Variants in CCDC144A observed in about 807,000 individuals in gnomAD.
CCDC144A encodes coiled-coil domain-containing protein 144A.
In CCDC144A, 41 loss-of-function variants were observed where a neutral mutation model predicts 143.8. The observed-to-expected ratio is 0.29, with a 90% CI of 0.22 to 0.37. The LOEUF (loss-of-function observed/expected upper bound fraction) is 0.37. CCDC144A is among the 10% of genes least tolerant of loss of function. The probability of loss-of-function intolerance (pLI) is 1.00; values close to 1 mark genes in which losing one functional copy is unlikely to be tolerated. For missense variants in CCDC144A, 637 were observed against 1,488.8 expected (o/e 0.43, Z 9.41); for synonymous variants, 242 against 517.9 (o/e 0.47, Z 7.23).
chr17:16,739,539 A>C (rs2143268959), intron 12 of CCDC144A, among the ~76,000 whole-genome samples: 1 of 150,406 alleles, frequency 6.6e-6, no homozygotes, highest in Non-Finnish European at 1.5e-5. Flanking sequence ...GGAATTTTAT[A>C]GTTTTAGTTC....
chr17:16,776,104 G>A lies in CCDC144A; in HGVS notation c.*2471G>A, dbSNP rs62075078. 27,002 of 149,598 alleles carry A rather than the reference G, an allele frequency of 0.18. 2,180 individuals carry two copies. The highest frequency in any genetic ancestry group is 0.37 in the African/African-American group (15,281 of 41,098). The allele number at this position is 149,598 out of a possible 1,614,324, so 9.3% of individuals were successfully genotyped here. On this transcript the variant is annotated 3_prime_UTR_variant, in exon 17 of 17. Coordinates refer to ENST00000399273, the MANE Select transcript of CCDC144A (RefSeq NM_001382000.1). ...CCAGCACTATGCTGTTTTGGTTACT[G>A]TAGTCTTGTAGTATGTTTGAAGCTG... is the stretch of plus-strand genomic sequence containing the variant.
At chr17:16,709,858 C>T (rs1422739001) in intron 5 of CCDC144A, among the ~76,000 whole-genome samples, 6 of 152,136 alleles carry the variant, frequency 3.9e-5, no homozygotes, top group Admixed American at 6.5e-5. Context: ...TTCCAAGTGG[C>T]GTATGGATTG....
At chr17:16,751,990 C>T (rs1914817118) in intron 12 of CCDC144A, among the ~76,000 whole-genome samples, 1 of 152,226 alleles carries the variant, frequency 6.6e-6, no homozygotes, top group East Asian at 1.9e-4. Flanking sequence ...GGCAGTGGTG[C>T]TCCCTCAGGC....
At chr17:16,679,082 A>G in the CCDC144A span, among the ~76,000 whole-genome samples, 22 of 128,688 alleles carry the variant, frequency 1.7e-4, no homozygotes, top group African/African-American at 7.5e-4. Context: ...GTTTTTGTAG[A>G]GATGGCGGGG....
chr17:16,689,258 C>T (rs1470683377), upstream of CCDC144A, among the ~76,000 whole-genome samples: 1 of 151,862 alleles, frequency 6.6e-6, no homozygotes, highest in East Asian at 1.9e-4. Context: ...TTTGGTGGCA[C>T]GATATCAGCT....
At chr17:16,693,679 A>G (rs1911233446) in intron 2 of CCDC144A, among the ~76,000 whole-genome samples, 1 of 152,216 alleles carries the variant, frequency 6.6e-6, no homozygotes, top group Non-Finnish European at 1.5e-5. Flanking sequence ...ATAATGAATT[A>G]GACTTGTTAT....
intron 2 of CCDC144A, among the ~76,000 whole-genome samples, chr17:16,693,253 GA>G (rs1217418490): frequency 2.7e-5 from 4 of 150,632 alleles, no homozygotes; most frequent in South Asian, 4.2e-4. Context: ...AATCTGGTCT[GA>G]AAAAAAATTA....
chr17:16,688,332 C>T (rs1774204061), upstream of CCDC144A, among the ~76,000 whole-genome samples: 2 of 151,940 alleles, frequency 1.3e-5, no homozygotes, highest in African/African-American at 4.8e-5. Flanking sequence ...CCCTTCAAGG[C>T]CTACCCAGGA....
intron 12 of CCDC144A, among the ~76,000 whole-genome samples, chr17:16,753,441 T>TGTTGTTG (rs1567606577): frequency 1.6e-5 from 2 of 126,222 alleles, no homozygotes; most frequent in African/African-American, 6.9e-5. Flanking sequence ...TTTTTTTTTT[T>TGTTGTTG]TTTTTTTTTT....
In CCDC144A at chr17:16,777,262, T is replaced by C. The variant is rs1916031256; in HGVS notation, c.*3629T>C. ...GAGGTAGTTGGCAACACAATAATAG[T>C]GGGGGATGTTAATACTCCGCTGGCA... On this transcript the variant is annotated 3_prime_UTR_variant, in exon 17 of 17. Transcript: ENST00000399273. 1.4e-5 allele frequency: 2 copies of C among 146,830 alleles called. No individual in the cohort carries two copies. Among genetic ancestry groups the C allele is most frequent in the Admixed American group, 1.4e-4 (2 of 14,714 alleles). 9.1% of individuals were successfully genotyped at this position (146,830 alleles called of 1,614,324 possible). A position where few individuals can be genotyped will look rare whatever the true frequency, so the allele number is the denominator to read the frequency against.
chr17:16,685,857 C>T (rs530758093), upstream of CCDC144A, among the ~76,000 whole-genome samples: 7 of 151,916 alleles, frequency 4.6e-5, no homozygotes, highest in South Asian at 2.1e-4. Flanking sequence ...CTGCAACCTC[C>T]GCCTCCTTTG....
rs1403112798 is a variant in CCDC144A at position 16,709,331 on chromosome 17, C to A, written c.1274C>A (p.Ala425Glu). The A allele has an allele frequency of 1.2e-6, 2 of 1,611,414 alleles. No individual in the cohort carries two copies. The highest frequency in any genetic ancestry group is 3.3e-5 in the Admixed American group (2 of 59,986). The change falls in exon 5 of 17, where the codon GCA becomes GAA. Residue 425 changes from alanine (A) to glutamate (E), a missense_variant. Physicochemically the swap from Ala to Glu is moderately radical, Grantham distance 107. Coordinates refer to ENST00000399273, the MANE Select transcript of CCDC144A (RefSeq NM_001382000.1). ...ACAGATAAGAACTTTCATAATGATG[C>A]AAGCACTAAGAAAGCAAGGAACCCA... The part of the protein sequence containing the change: ...FSTDKNFHND[A>E]STKKARNPEV...
intron 12 of CCDC144A, among the ~76,000 whole-genome samples, chr17:16,753,427 A>AGTTTTTTGTTGTTGTTGTTGTT (rs1170726022): frequency 2.1e-4 from 9 of 43,486 alleles, no homozygotes; most frequent in South Asian, 8.0e-4. Flanking sequence ...AGTGTTTTGT[A>AGTTTTTTGTTGTTGTTGTTGTT]GTTTTTTTTT....
At chr17:16,754,730 C>G (rs147268962) in intron 12 of CCDC144A, among the ~76,000 whole-genome samples, 1 of 152,370 alleles carries the variant, frequency 6.6e-6, no homozygotes, top group East Asian at 1.9e-4. Flanking sequence ...CTGTAAGTGT[C>G]TGCTAGGTCC....
intron 12 of CCDC144A, among the ~76,000 whole-genome samples, chr17:16,745,272 T>A (rs1458196769): frequency 3.3e-5 from 5 of 150,122 alleles, no homozygotes; most frequent in African/African-American, 7.4e-5. Context: ...AAACCCAAAG[T>A]GGATGTCGTT....
chr17:16,694,866 G>A (rs1349835987), intron 2 of CCDC144A, among the ~76,000 whole-genome samples: 1 of 152,208 alleles, frequency 6.6e-6, no homozygotes, highest in African/African-American at 2.4e-5. Context: ...AACAAGATAT[G>A]CTGTTACCAT....
intron 15 of CCDC144A, among the ~76,000 whole-genome samples, chr17:16,768,396 G>A (rs1349612832): frequency 6.6e-6 from 1 of 152,132 alleles, no homozygotes; most frequent in Non-Finnish European, 1.5e-5. Context: ...TTCTTGGTGG[G>A]CTTTTGTTAC....
intron 2 of CCDC144A, chr17:16,695,441 CAAT>C (rs896217648): frequency 1.3e-5 from 2 of 151,440 alleles, no homozygotes; most frequent in African/African-American, 4.8e-5. Context: ...TTTTAAAAAA[CAAT>C]AAAACATTAG....
At chr17:16,755,204 T>C (rs1368362195) in intron 12 of CCDC144A, among the ~76,000 whole-genome samples, 1 of 152,158 alleles carries the variant, frequency 6.6e-6, no homozygotes, top group Non-Finnish European at 1.5e-5. Flanking sequence ...ATATCTTTAA[T>C]TGGGGAATTT....
Sources: gnomAD v4.1 joint callset for allele counts (sites outside exome capture counted in the v4.1 genomes callset) on GRCh38, gnomAD v4.1.1 for gene constraint, MANE v1.5 for transcripts, NCBI Gene and HGNC (gene_info 2026-07-23, HGNC 2026-07-21) for gene names.